Variants in GRIA3 observed in about 807,000 individuals in gnomAD.
The protein encoded by GRIA3 is glutamate receptor 3.
In GRIA3, 3 loss-of-function variants were observed where a neutral mutation model predicts 63.0. That is an observed-to-expected ratio of 0.05 (90% CI 0.02 to 0.12). The LOEUF is 0.12. GRIA3 is among the 10% of genes least tolerant of loss of function. The probability of loss-of-function intolerance (pLI) is 1.00; values close to 1 mark genes in which losing one functional copy is unlikely to be tolerated. For synonymous variants in GRIA3, 274 were observed against 257.9 expected, an observed-to-expected ratio of 1.06 and a Z score of -0.60; for missense variants, 347 against 700.9, an observed-to-expected ratio of 0.50 and a Z score of 5.70.
At chrX:123,282,630 G>A (rs1414155862) in intron 3 of GRIA3, among the ~76,000 whole-genome samples, 1 of 112,769 alleles carries the variant, frequency 8.9e-6, no homozygotes, top group South Asian at 3.7e-4. Flanking sequence ...TACAGGCTGG[G>A]AGCAGTGGCT....
At chrX:123,378,916 T>C (rs2045304066) in intron 5 of GRIA3, among the ~76,000 whole-genome samples, 1 of 90,272 alleles carries the variant, frequency 1.1e-5, no homozygotes, top group African/African-American at 3.9e-5. Context: ...TCAGATTAGT[T>C]TTTTTTTAAT....
At position 123,184,591 on chromosome X, in the gene GRIA3, T is replaced by G. The variant is rs771771369; in HGVS notation, c.56T>G (p.Val19Gly). ...QSVLRAVFFL[V>G]LGLLGHSHGG... ...GTGCTCCGGGCGGTCTTCTTTTTAGTCCTGGGGCTTTTGGGTCATTCTCAC... is the reference window on the plus strand; with the variant it reads ...GTGCTCCGGGCGGTCTTCTTTTTAGGCCTGGGGCTTTTGGGTCATTCTCAC... The change falls in exon 1 of 16, where the codon GTC becomes GGC. Residue 19 changes from valine (V) to glycine (G), a missense_variant. Around this residue, in one of 8 missense-constraint regions of GRIA3, gnomAD observed 36 missense variants for 28.2 expected, o/e 1.28. Coordinates refer to ENST00000620443, the MANE Select transcript of GRIA3 (RefSeq NM_007325.5). The G allele has an allele frequency of 1.2e-5, 14 of 1,210,001 alleles. No homozygotes were observed. The highest frequency in any genetic ancestry group is 1.5e-5 in the Non-Finnish European group (13 of 894,229).
At chrX:123,309,363 GA>G (rs11402366) in intron 3 of GRIA3, among the ~76,000 whole-genome samples, 343 of 91,049 alleles carry the variant, frequency 3.8e-3, no homozygotes, top group Middle Eastern at 0.012. Context: ...AGATACTCTG[GA>G]AAAAAAAAAA....
intron 13 of GRIA3, among the ~76,000 whole-genome samples, chrX:123,478,399 G>T (rs1186810232): frequency 8.9e-6 from 1 of 112,028 alleles, no homozygotes; most frequent in African/African-American, 3.2e-5. Flanking sequence ...CTTGTTTAAA[G>T]TATAAAAGGA....
chrX:123,296,354 G>T (rs2044685613), intron 3 of GRIA3, among the ~76,000 whole-genome samples: 2 of 111,007 alleles, frequency 1.8e-5, no homozygotes, highest in African/African-American at 6.5e-5. Flanking sequence ...GCAAAAAAAA[G>T]TCTAGGATGT....
chrX:123,190,394 C>A (rs188569332), intron 2 of GRIA3, among the ~76,000 whole-genome samples: 1 of 108,840 alleles, frequency 9.2e-6, no homozygotes, highest in East Asian at 2.9e-4. Flanking sequence ...TGGTGCCAGT[C>A]AAAAAATTAA....
intron 5 of GRIA3, among the ~76,000 whole-genome samples, chrX:123,375,831 T>A (rs1257655317): frequency 8.9e-6 from 1 of 112,138 alleles, no homozygotes; most frequent in Non-Finnish European, 1.9e-5. Context: ...TTTGCACATC[T>A]ATTTTCACCT....
intron 3 of GRIA3, among the ~76,000 whole-genome samples, chrX:123,265,163 T>G (rs779145756): frequency 2.8e-4 from 31 of 111,655 alleles, no homozygotes; most frequent in African/African-American, 1.0e-3. Context: ...AAAAAATACG[T>G]AAATACAATC....
intron 2 of GRIA3, among the ~76,000 whole-genome samples, chrX:123,238,463 G>C (rs2044312567): frequency 8.9e-6 from 1 of 111,791 alleles, no homozygotes; most frequent in Non-Finnish European, 1.9e-5. Context: ...GACAGGGCAT[G>C]GAACTACAGT....
chrX:123,425,328 T>C (rs1026505701), intron 11 of GRIA3, among the ~76,000 whole-genome samples: 20 of 111,973 alleles, frequency 1.8e-4, no homozygotes, highest in African/African-American at 4.9e-4. Flanking sequence ...TGTTTGCTTA[T>C]CTTTAAAATA....
intron 15 of GRIA3, among the ~76,000 whole-genome samples, chrX:123,483,723 G>A (rs1393192858): frequency 8.9e-6 from 1 of 112,031 alleles, no homozygotes; most frequent in Non-Finnish European, 1.9e-5. Context: ...ACGCAGTCAG[G>A]AGATCGAGAC....
chrX:123,415,433 T>C (rs1040728972), intron 10 of GRIA3, among the ~76,000 whole-genome samples: 2 of 111,204 alleles, frequency 1.8e-5, no homozygotes, highest in Non-Finnish European at 3.8e-5. Context: ...ACAGAAGAAA[T>C]GTATAAAGAT....
intron 12 of GRIA3, among the ~76,000 whole-genome samples, chrX:123,449,512 C>T (rs753630753): frequency 1.3e-4 from 15 of 111,881 alleles, no homozygotes; most frequent in African/African-American, 4.9e-4. Context: ...ACGCAAATGC[C>T]AGAAAATCAA....
intron 5 of GRIA3, among the ~76,000 whole-genome samples, chrX:123,390,980 T>C (rs1003917943): frequency 9.0e-6 from 1 of 111,301 alleles, no homozygotes; most frequent in Non-Finnish European, 1.9e-5. Flanking sequence ...AGAATTTCTA[T>C]GTGTTTTTCT....
At chrX:123,198,486 G>GAACC (rs1286697132) in intron 2 of GRIA3, among the ~76,000 whole-genome samples, 1 of 112,140 alleles carries the variant, frequency 8.9e-6, no homozygotes, top group African/African-American at 3.2e-5. Flanking sequence ...GAATTAGTCA[G>GAACC]AACCAAACTG....
chrX:123,378,184 G>A (rs1030153417), intron 5 of GRIA3, among the ~76,000 whole-genome samples: 2 of 111,551 alleles, frequency 1.8e-5, no homozygotes, highest in Non-Finnish European at 3.8e-5. Flanking sequence ...AGCAGTTTAT[G>A]AAGAAAAACA....
At chrX:123,374,082 AG>A (rs1378347537) in intron 5 of GRIA3, among the ~76,000 whole-genome samples, 1 of 111,771 alleles carries the variant, frequency 8.9e-6, no homozygotes, top group African/African-American at 3.3e-5. Flanking sequence ...ATGGCTAGCC[AG>A]TTTTCTCAGC....
intron 5 of GRIA3, among the ~76,000 whole-genome samples, chrX:123,374,783 T>C (rs2045273217): frequency 8.9e-6 from 1 of 111,939 alleles, no homozygotes; most frequent in Non-Finnish European, 1.9e-5. Flanking sequence ...AAATATACAA[T>C]CATGCCATCT....
chrX:123,379,641 T>G (rs1252975992), intron 5 of GRIA3, among the ~76,000 whole-genome samples: 5 of 59,686 alleles, frequency 8.4e-5, no homozygotes, highest in Non-Finnish European at 1.5e-4. Flanking sequence ...TTTTTTTTTG[T>G]AAAATTTATT....
Sources: allele counts gnomAD v4.1 joint callset (sites outside exome capture counted in the v4.1 genomes callset), GRCh38; gene constraint gnomAD v4.1.1; regional missense constraint gnomAD v4.1.1; transcripts MANE v1.5; gene names NCBI Gene and HGNC (gene_info 2026-07-23, HGNC 2026-07-21).